Variants in RASAL2 observed in about 807,000 individuals in gnomAD.
RASAL2 encodes the protein RAS protein activator like 2.
Under a neutral mutation model 128.9 loss-of-function variants are expected in RASAL2, and 58 were observed. The observed-to-expected ratio is 0.45, with a 90% CI of 0.36 to 0.56. RASAL2 has a LOEUF of 0.56. Among genes scored for constraint, RASAL2 ranks in the 20% least tolerant of loss-of-function variants. The pLI is 0.00. For missense variants in RASAL2, 1,360 were observed against 1,601.6 expected, an observed-to-expected ratio of 0.85 and a Z score of 2.57; for synonymous variants, 561 against 580.8, an observed-to-expected ratio of 0.97 and a Z score of 0.49.
chr1:178,208,173 A>G (rs115839983), intron 1 of RASAL2, among the ~76,000 whole-genome samples: 1,885 of 152,338 alleles, frequency 0.012, 29 homozygotes, highest in African/African-American at 0.043. Context: ...GAAGAACAGA[A>G]TAACAGCGAT....
At chr1:178,472,120 A>AT (rs1455813679) in intron 17 of RASAL2, among the ~76,000 whole-genome samples, 1 of 152,206 alleles carries the variant, frequency 6.6e-6, no homozygotes, top group African/African-American at 2.4e-5. Flanking sequence ...TGAAGCTAAG[A>AT]TTAGGGTATC....
intron 1 of RASAL2, among the ~76,000 whole-genome samples, chr1:178,138,064 G>A (rs960417310): frequency 5.3e-5 from 8 of 152,152 alleles, no homozygotes; most frequent in African/African-American, 1.4e-4. Flanking sequence ...GAAGTGCCAC[G>A]TGTATTTTCT....
intron 3 of RASAL2, among the ~76,000 whole-genome samples, chr1:178,326,419 T>C (rs552882713): frequency 6.6e-6 from 1 of 152,330 alleles, no homozygotes; most frequent in South Asian, 2.1e-4. Context: ...CCTTTTAGTA[T>C]GTATGTGTCT....
chr1:178,252,388 G>A (rs1157773580), intron 1 of RASAL2, among the ~76,000 whole-genome samples: 3 of 152,108 alleles, frequency 2.0e-5, no homozygotes, highest in Non-Finnish European at 4.4e-5. Flanking sequence ...TATCTCAGCA[G>A]TATGGCAATA....
intron 1 of RASAL2, among the ~76,000 whole-genome samples, chr1:178,204,349 A>G (rs1480114799): frequency 6.6e-6 from 1 of 152,126 alleles, no homozygotes; most frequent in African/African-American, 2.4e-5. Flanking sequence ...TGGACTTGTG[A>G]TAGTTAATAT....
intron 2 of RASAL2, among the ~76,000 whole-genome samples, chr1:178,285,591 G>A (rs1490703593): frequency 2.0e-5 from 3 of 152,108 alleles, no homozygotes; most frequent in Non-Finnish European, 4.4e-5. Flanking sequence ...ACTGAATAAA[G>A]GCCAGACTTT....
chr1:178,297,783 C>G lies in RASAL2; in HGVS notation c.331-2209C>G, dbSNP rs563096405. Among the ~76,000 whole-genome samples, 166 of 152,054 alleles carry G rather than the reference C, an allele frequency of 1.1e-3. 1 individual carries two copies. Among genetic ancestry groups the G allele is most frequent in the African/African-American group, 3.7e-3 (155 of 41,478 alleles). On this transcript the variant is annotated intron_variant, in intron 2 of 17. Coordinates refer to ENST00000367649, the MANE Select transcript of RASAL2 (RefSeq NM_170692.4). ...GGGAAATAAAGAGTCTACATTAAAACTTTGAGAAAATAATTGAGTGAATTT... is the reference window on the plus strand; with the variant it reads ...GGGAAATAAAGAGTCTACATTAAAAGTTTGAGAAAATAATTGAGTGAATTT...
intron 1 of RASAL2, among the ~76,000 whole-genome samples, chr1:178,127,725 T>C (rs1005168185): frequency 2.0e-5 from 3 of 152,108 alleles, no homozygotes; most frequent in Non-Finnish European, 4.4e-5. Flanking sequence ...ATCTCCATAC[T>C]TATTCTAGAA....
At chr1:178,207,519 A>T (rs919233389) in intron 1 of RASAL2, among the ~76,000 whole-genome samples, 1 of 152,236 alleles carries the variant, frequency 6.6e-6, no homozygotes, top group African/African-American at 2.4e-5. Context: ...AGACTTGAGC[A>T]TCCTCATATT....
intron 1 of RASAL2, among the ~76,000 whole-genome samples, chr1:178,100,723 G>C (rs547987289): frequency 3.3e-5 from 5 of 152,140 alleles, no homozygotes; most frequent in East Asian, 3.9e-4. Flanking sequence ...TGAAATAGAG[G>C]GTTTATGTAA....
intron 1 of RASAL2, among the ~76,000 whole-genome samples, chr1:178,157,599 G>A (rs1227179568): frequency 1.3e-5 from 2 of 152,194 alleles, no homozygotes; most frequent in African/African-American, 4.8e-5. Flanking sequence ...TTAGAGTAGG[G>A]ATGGTGTTCA....
At chr1:178,120,307 C>G (rs1485598350) in intron 1 of RASAL2, among the ~76,000 whole-genome samples, 2 of 149,660 alleles carry the variant, frequency 1.3e-5, no homozygotes, top group Non-Finnish European at 3.0e-5. Context: ...TCTTAGAGTC[C>G]CCTGCTGTTT....
rs112804497 is a variant in RASAL2, at chr1:178,437,150, G to C, written c.675-2272G>C. ...AGGTGCCTTGTTTGTTACCTGAGGG[G>C]CTGGGTGCAGCCTGAAGGAATAGAA... On this transcript the variant is annotated intron_variant, in intron 5 of 17. Transcript: ENST00000367649. Among the ~76,000 whole-genome samples, 630 of 152,194 alleles carry C rather than the reference G, an allele frequency of 4.1e-3. 3 individuals carry two copies. The highest frequency in any genetic ancestry group is 0.014 in the African/African-American group (574 of 41,532).
intron 1 of RASAL2, among the ~76,000 whole-genome samples, chr1:178,131,245 G>C (rs1047377544): frequency 6.6e-6 from 1 of 151,918 alleles, no homozygotes; most frequent in Non-Finnish European, 1.5e-5. Flanking sequence ...TTCACTCTGT[G>C]GCCCAGACTG....
At chr1:178,371,997 CCTTCT>C (rs1671743350) in intron 3 of RASAL2, among the ~76,000 whole-genome samples, 1 of 152,068 alleles carries the variant, frequency 6.6e-6, no homozygotes, top group Non-Finnish European at 1.5e-5. Flanking sequence ...GACAAATCTC[CCTTCT>C]CTTCTCTTAT....
intron 1 of RASAL2, among the ~76,000 whole-genome samples, chr1:178,136,646 A>G (rs533827577): frequency 2.0e-5 from 3 of 149,480 alleles, no homozygotes; most frequent in Admixed American, 1.4e-4. Context: ...AATCTCAGCT[A>G]CTCAGGAGGC....
At chr1:178,203,578 A>G (rs56399667) in intron 1 of RASAL2, among the ~76,000 whole-genome samples, 5,339 of 152,262 alleles carry the variant, frequency 0.035, 278 homozygotes, top group African/African-American at 0.12. Context: ...TTCCTGCAAC[A>G]TTATGTTCTG....
chr1:178,213,964 G>A (rs1362556822), intron 1 of RASAL2, among the ~76,000 whole-genome samples: 5 of 151,910 alleles, frequency 3.3e-5, no homozygotes, highest in East Asian at 1.9e-4. Context: ...GAGGCTGGAC[G>A]TGGTAGCTCA....
chr1:178,464,271 G>A lies in RASAL2; in HGVS notation c.3253-7G>A. The A allele has an allele frequency of 6.2e-7, 1 of 1,604,222 alleles. No individual in the cohort carries two copies. The highest frequency in any genetic ancestry group is 8.5e-7 in the Non-Finnish European group (1 of 1,174,972). On this transcript the variant is annotated splice_polypyrimidine_tract_variant and splice_region_variant and intron_variant, in intron 14 of 17. Coordinates refer to ENST00000367649, the MANE Select transcript of RASAL2 (RefSeq NM_170692.4). ...AGGGGAAATGCTAATAACTGTTTCT[G>A]ATGCAGGTTCAGTCACCTGTGGACT...
Sources: allele counts gnomAD v4.1 joint callset (sites outside exome capture counted in the v4.1 genomes callset), GRCh38; gene constraint gnomAD v4.1.1; transcripts MANE v1.5; gene names NCBI Gene and HGNC (gene_info 2026-07-23, HGNC 2026-07-21).